Variants in NEB observed in about 807,000 individuals in gnomAD.
NEB encodes the protein nebulin.
Under a neutral mutation model 952.2 loss-of-function variants are expected in NEB, and 512 were observed. That is an observed-to-expected ratio of 0.54 (90% CI 0.50 to 0.58). NEB has a LOEUF of 0.58. Ranked by LOEUF, NEB falls within the 20% of genes least tolerant of loss-of-function variation. NEB has a pLI of 0.00. For synonymous variants in NEB, 2,900 were observed against 3,149.8 expected (o/e 0.92, Z 2.66); for missense variants, 8,428 against 9,231.1 (o/e 0.91, Z 3.56).
chr2:151,566,360 TAAG>T (rs1300415162), intron 114 of NEB, among the ~76,000 whole-genome samples: 1 of 152,092 alleles, frequency 6.6e-6, no homozygotes, highest in East Asian at 1.9e-4. Context: ...GACATGAAAA[TAAG>T]AAGAGTTGCT....
At chr2:151,724,761 G>C (rs1300260777) in intron 7 of NEB, 96 bp downstream of exon 7, 5 of 937,890 alleles carry the variant, frequency 5.3e-6, no homozygotes, top group Non-Finnish European at 6.6e-6. Context: ...TGAGGCTGGT[G>C]GGCAGGATCA....
intron 12 of NEB, 82 bp downstream of exon 12, chr2:151,709,574 A>T: frequency 1.9e-6 from 2 of 1,069,112 alleles, no homozygotes; most frequent in African/African-American, 1.6e-5. Context: ...CCCCTTTTTT[A>T]CTAATTATAT....
intron 92 of NEB, among the ~76,000 whole-genome samples, chr2:151,594,609 A>G (rs1156917841): frequency 6.2e-5 from 8 of 129,080 alleles, no homozygotes; most frequent in African/African-American, 2.2e-4. Context: ...TATTATGACT[A>G]CTTCTAATGT....
chr2:151,544,151 C>T (rs2153591436), intron 135 of NEB, among the ~76,000 whole-genome samples: 1 of 152,230 alleles, frequency 6.6e-6, no homozygotes, highest in African/African-American at 2.4e-5. Flanking sequence ...GCAAACTGCT[C>T]CACTGAAAAA....
At chr2:151,527,146 G>A (rs2086689761) in intron 147 of NEB, 124 bp from the exon 148 acceptor site, 1 of 672,936 alleles carries the variant, frequency 1.5e-6, no homozygotes, top group Non-Finnish European at 2.5e-6. Context: ...AGAATGAGGA[G>A]AAGAGCTTCT....
intron 3 of NEB, among the ~76,000 whole-genome samples, chr2:151,730,735 A>G (rs1409855433): frequency 6.6e-6 from 1 of 152,052 alleles, no homozygotes; most frequent in Non-Finnish European, 1.5e-5. Flanking sequence ...AATTTCCCTC[A>G]ATGGCCTGCA....
intron 145 of NEB, among the ~76,000 whole-genome samples, chr2:151,530,150 T>C (rs2089832428): frequency 6.6e-6 from 1 of 152,206 alleles, no homozygotes; most frequent in African/African-American, 2.4e-5. Context: ...TAGACAATAT[T>C]TGATGAATGA....
chr2:151,665,463 T>A lies in NEB; in HGVS notation c.5108A>T (p.Lys1703Met). Residue 1703 changes from lysine to methionine, a missense_variant, in exon 42 of 182, where the codon AAG (lysine) becomes ATG (methionine). By Grantham distance (95) the Lys-to-Met change is moderately conservative (BLOSUM62 -1). Around this residue, in one of 11 missense-constraint regions of NEB, gnomAD observed 2,851 missense variants for 2,791.5 expected, o/e 1.02. Transcript: ENST00000397345. ...WVPIESLEVEKAKKAGEILSE... is the reference protein window; with the variant it reads ...WVPIESLEVEMAKKAGEILSE... ...AAGAATCTCTCCTGCTTTCTTTGCC[T>A]TCTCCACCTCCAGGGACTCTATGGG... The A allele has an allele frequency of 6.2e-7, 1 of 1,613,452 alleles. No individual in the cohort carries two copies. The highest frequency in any genetic ancestry group is 1.7e-5 in the Admixed American group (1 of 59,934).
chr2:151,611,474 T>C (rs1240499931), intron 78 of NEB, among the ~76,000 whole-genome samples: 4 of 152,206 alleles, frequency 2.6e-5, no homozygotes, highest in Non-Finnish European at 5.9e-5. Context: ...TACCCCAGAC[T>C]CTGGAGTTTG....
intron 110 of NEB, among the ~76,000 whole-genome samples, chr2:151,569,012 T>C (rs2096535383): frequency 6.6e-6 from 1 of 152,210 alleles, no homozygotes. Flanking sequence ...TTTTCCCAAG[T>C]ATATTGCTAT....
At chr2:151,503,668 A>G (rs1208030171) in intron 165 of NEB, among the ~76,000 whole-genome samples, 1 of 152,192 alleles carries the variant, frequency 6.6e-6, no homozygotes, top group Non-Finnish European at 1.5e-5. Flanking sequence ...CATTTTCTGT[A>G]ACCACTTAGT....
At chr2:151,696,774 C>A in intron 16 of NEB, 39 bp from the exon 17 acceptor site, 1 of 1,515,742 alleles carries the variant, frequency 6.6e-7, no homozygotes, top group South Asian at 1.1e-5. Context: ...GTAGTATCAC[C>A]TGTCAGATCC....
chr2:151,616,336 A>G (rs2098193239), intron 75 of NEB, among the ~76,000 whole-genome samples: 1 of 152,096 alleles, frequency 6.6e-6, no homozygotes, highest in African/African-American at 2.4e-5. Context: ...AAATGTGGGG[A>G]AAAAATCAAC....
intron 28 of NEB, among the ~76,000 whole-genome samples, chr2:151,683,111 C>T (rs925901513): frequency 3.3e-5 from 5 of 152,170 alleles, no homozygotes; most frequent in African/African-American, 9.6e-5. Flanking sequence ...TTCCCTGGAA[C>T]TTTAAGTATT....
intron 61 of NEB, 129 bp downstream of exon 61, chr2:151,640,226 C>A: frequency 6.7e-7 from 1 of 1,482,640 alleles, no homozygotes; most frequent in Non-Finnish European, 9.1e-7. Context: ...ATTAAAATTC[C>A]TGTCGATAAA....
chr2:151,692,902 A>G (rs914998067), intron 20 of NEB, among the ~76,000 whole-genome samples: 2 of 152,150 alleles, frequency 1.3e-5, no homozygotes, highest in African/African-American at 4.8e-5. Context: ...CCTGGGAGGC[A>G]GAGATTACAG....
At chr2:151,643,794 G>A in intron 57 of NEB, 24 bp downstream of exon 57, 2 of 1,604,122 alleles carry the variant, frequency 1.2e-6, no homozygotes, top group Non-Finnish European at 1.7e-6. Flanking sequence ...TGTTTTGTTG[G>A]CCAAAGGAAA....
rs991937356 is a variant in NEB at position 151,490,621 on chromosome 2, T to C, written c.25151-103A>G. The C allele has an allele frequency of 1.7e-5, 24 of 1,394,464 alleles. No individual in the cohort carries two copies. In the African/African-American group the frequency reaches 3.1e-4, roughly 18 times the overall value. 86.4% of individuals were successfully genotyped at this position (1,394,464 alleles called of 1,614,324 possible). ...CAGTTATTGTTATCTTTGCCAAGCA[T>C]GGTTTTAAGTACTTTCCCATGGGTC... On this transcript the variant is annotated intron_variant, in intron 179 of 181. Transcript: ENST00000397345.
rs748679499 is a variant in NEB at position 151,729,646 on chromosome 2, T to C, written c.47A>G (p.Glu16Gly). ...DYEEVVEYYT[E>G]EVVYEEVPGE... Reference sequence around the variant, plus strand: ...CGGCACCTCTTCGTAAACCACTTCTTCTGTGTAGTACTGTAAATAGAGCAC... The same window carrying C: ...CGGCACCTCTTCGTAAACCACTTCTCCTGTGTAGTACTGTAAATAGAGCAC... The change falls in exon 4 of 182, where the codon GAA becomes GGA. Residue 16 changes from glutamate (E) to glycine (G), a missense_variant. Coordinates refer to ENST00000397345, the MANE Select transcript of NEB (RefSeq NM_001164508.2). The C allele has an allele frequency of 1.2e-6, 2 of 1,613,376 alleles. No individual in the cohort carries two copies.
Sources: gnomAD v4.1 joint callset for allele counts (sites outside exome capture counted in the v4.1 genomes callset) on GRCh38, gnomAD v4.1.1 for gene constraint, gnomAD v4.1.1 regional missense constraint, MANE v1.5 for transcripts, NCBI Gene and HGNC (gene_info 2026-07-23, HGNC 2026-07-21) for gene names.